Variants in BICD1 observed in about 807,000 individuals in gnomAD.
BICD1 encodes the protein protein bicaudal D homolog 1.
In BICD1, 35 loss-of-function variants were observed where a neutral mutation model predicts 92.5. The observed-to-expected ratio is 0.38, with a 90% CI of 0.29 to 0.50. The LOEUF (loss-of-function observed/expected upper bound fraction) is 0.50, where lower values mean the gene tolerates loss of function less well. Among genes scored for constraint, BICD1 ranks in the 20% least tolerant of loss-of-function variants. The probability of loss-of-function intolerance (pLI) is 0.93; values close to 1 mark genes in which losing one functional copy is unlikely to be tolerated. For missense variants in BICD1, 950 were observed against 1,189.8 expected, an observed-to-expected ratio of 0.80 and a Z score of 2.97; for synonymous variants, 429 against 465.1, an observed-to-expected ratio of 0.92 and a Z score of 1.00.
intron 4 of BICD1, among the ~76,000 whole-genome samples, chr12:32,324,339 GCTAGACTCCAT>G (rs1439185646): frequency 1.5e-5 from 2 of 137,916 alleles, no homozygotes; most frequent in African/African-American, 5.5e-5. Context: ...TGGTGACAGA[GCTAGACTCCAT>G]CTCAAAAAAA....
At chr12:32,120,566 A>G (rs1356946539) in intron 1 of BICD1, among the ~76,000 whole-genome samples, 1 of 152,166 alleles carries the variant, frequency 6.6e-6, no homozygotes, top group Admixed American at 6.6e-5. Flanking sequence ...TTTATATTGT[A>G]AGAAGGATGG....
chr12:32,210,360 G>T (rs1945181992), intron 1 of BICD1, among the ~76,000 whole-genome samples: 1 of 152,118 alleles, frequency 6.6e-6, no homozygotes, highest in South Asian at 2.1e-4. Flanking sequence ...TGATCAAAGA[G>T]AACATTTTAA....
chr12:32,114,494 G>A (rs909704981), intron 1 of BICD1, among the ~76,000 whole-genome samples: 38 of 151,884 alleles, frequency 2.5e-4, no homozygotes, highest in African/African-American at 8.7e-4. Flanking sequence ...CAATCCTCAT[G>A]CCTCAGCCCC....
intron 9 of BICD1, among the ~76,000 whole-genome samples, chr12:32,373,700 G>A (rs992009233): frequency 7.0e-6 from 1 of 143,314 alleles, no homozygotes; most frequent in Admixed American, 7.1e-5. Flanking sequence ...GTGAAACCCC[G>A]TCTCTACTAA....
chr12:32,185,845 T>G (rs1315778423), intron 1 of BICD1, among the ~76,000 whole-genome samples: 2 of 152,234 alleles, frequency 1.3e-5, no homozygotes, highest in Non-Finnish European at 2.9e-5. Context: ...GCAAAGACAG[T>G]GCACTGTGCT....
intron 1 of BICD1, among the ~76,000 whole-genome samples, chr12:32,128,728 T>C (rs1462286750): frequency 1.3e-5 from 2 of 151,894 alleles, no homozygotes; most frequent in Middle Eastern, 3.4e-3. Flanking sequence ...TATATCAATA[T>C]GAGAAATGTA....
At chr12:32,275,772 C>T (rs571064298) in intron 2 of BICD1, among the ~76,000 whole-genome samples, 2 of 152,296 alleles carry the variant, frequency 1.3e-5, no homozygotes, top group East Asian at 1.9e-4. Context: ...TTGCCACTCC[C>T]GATTGTGCTA....
chr12:32,123,193 A>G (rs558626029), intron 1 of BICD1, among the ~76,000 whole-genome samples: 6 of 152,322 alleles, frequency 3.9e-5, no homozygotes, highest in African/African-American at 9.6e-5. Flanking sequence ...GATCAGAGAA[A>G]GCCTCATTGA....
At chr12:32,156,277 CTGTT>C (rs1237593218) in intron 1 of BICD1, among the ~76,000 whole-genome samples, 1 of 152,210 alleles carries the variant, frequency 6.6e-6, no homozygotes, top group East Asian at 1.9e-4. Context: ...GCAAGCAGCT[CTGTT>C]TGAATGGTGG....
At chr12:32,306,215 ATTTCT>A (rs1353971417) in intron 4 of BICD1, 93 bp downstream of exon 4, 8 of 1,238,280 alleles carry the variant, frequency 6.5e-6, no homozygotes, top group Non-Finnish European at 8.8e-6. Context: ...TCACTTCTAG[ATTTCT>A]TTTCTTTTTT....
intron 2 of BICD1, among the ~76,000 whole-genome samples, chr12:32,273,966 C>T (rs1213592209): frequency 5.9e-5 from 9 of 152,172 alleles, no homozygotes; most frequent in Non-Finnish European, 1.0e-4. Flanking sequence ...CTCTTGGCTC[C>T]ACCCTCTTCC....
chr12:32,231,135 A>G (rs914982376), intron 2 of BICD1, among the ~76,000 whole-genome samples: 2 of 152,178 alleles, frequency 1.3e-5, no homozygotes, highest in South Asian at 2.1e-4. Flanking sequence ...TGGGGAGATG[A>G]TAAGGACAGG....
chr12:32,181,151 G>C (rs2121523394), intron 1 of BICD1, among the ~76,000 whole-genome samples: 1 of 151,922 alleles, frequency 6.6e-6, no homozygotes, highest in South Asian at 2.1e-4. Flanking sequence ...CGGGCAGAGT[G>C]GCTCACACCT....
In BICD1 at chr12:32,337,681, G is replaced by A. The variant is rs761147593; in HGVS notation, c.2435G>A (p.Gly812Glu). ...TCCCGACGCAGCAAAGGCAAACTTG[G>A]AAAGAGCAAGATCGGCAGCCCTAAA... Reference protein sequence around the residue: ...EQSRRSKGKLGKSKIGSPKVS... With the variant: ...EQSRRSKGKLEKSKIGSPKVS... Residue 812 changes from glycine (G) to glutamate (E), a missense_variant, in exon 7 of 10, where the codon GGA becomes GAA. Gly to Glu is a moderately conservative substitution (Grantham distance 98). This residue lies in a region of BICD1 where 309 missense variants were observed against 499.4 expected (regional missense o/e 0.62). Transcript: ENST00000652176. The surrounding 1 kb of genome is among the most constrained non-coding windows in gnomAD (Gnocchi z 4.7). 28 of 1,614,092 alleles carry A rather than the reference G, an allele frequency of 1.7e-5. No individual in the cohort carries two copies. The South Asian group carries it at 3.0e-4, about 17-fold the overall frequency.
chr12:32,208,604 A>G (rs906820982), intron 1 of BICD1, among the ~76,000 whole-genome samples: 2 of 152,106 alleles, frequency 1.3e-5, no homozygotes, highest in Non-Finnish European at 2.9e-5. Context: ...AGCCATACGC[A>G]TCATGGAAAC....
At chr12:32,207,258 T>A (rs563910059) in intron 1 of BICD1, among the ~76,000 whole-genome samples, 2 of 152,004 alleles carry the variant, frequency 1.3e-5, no homozygotes, top group South Asian at 4.2e-4. Flanking sequence ...TCTCAACAGT[T>A]GACAAGGGAG....
intron 8 of BICD1, among the ~76,000 whole-genome samples, chr12:32,346,578 A>ATG (rs1938603801): frequency 3.8e-5 from 1 of 26,212 alleles, no homozygotes; most frequent in African/African-American, 2.6e-4. Context: ...ATATATATAT[A>ATG]TATACGTGTA....
chr12:32,304,125 GGT>G (rs1404997360), intron 3 of BICD1, among the ~76,000 whole-genome samples: 3 of 151,954 alleles, frequency 2.0e-5, no homozygotes, highest in African/African-American at 7.2e-5. Flanking sequence ...CTCTTGCTTA[GGT>G]GTCTGTTACA....
intron 3 of BICD1, among the ~76,000 whole-genome samples, chr12:32,298,426 G>A (rs1018733466): frequency 1.3e-5 from 2 of 151,808 alleles, no homozygotes; most frequent in East Asian, 1.9e-4. Context: ...TTAGCCGGGC[G>A]TGGTGACAGG....
Sources: gnomAD v4.1 joint callset for allele counts (sites outside exome capture counted in the v4.1 genomes callset) on GRCh38, gnomAD v4.1.1 for gene constraint, gnomAD v4.1.1 regional missense constraint, Gnocchi (gnomAD v3.1) non-coding constraint, MANE v1.5 for transcripts, NCBI Gene and HGNC (gene_info 2026-07-23, HGNC 2026-07-21) for gene names.